Variants in LUC7L observed in about 807,000 individuals in gnomAD.
The protein encoded by LUC7L is putative RNA-binding protein Luc7-like 1.
Under a neutral mutation model 51.1 loss-of-function variants are expected in LUC7L, and 29 were observed. That is an observed-to-expected ratio of 0.57 (90% CI 0.42 to 0.77). The LOEUF (loss-of-function observed/expected upper bound fraction) is 0.77, where lower values mean the gene tolerates loss of function less well. Ranked by LOEUF, LUC7L falls within the 30% of genes least tolerant of loss-of-function variation. The probability of loss-of-function intolerance (pLI) is 0.00; values close to 1 mark genes in which losing one functional copy is unlikely to be tolerated. For synonymous variants in LUC7L, 181 were observed against 180.7 expected (o/e 1.00, Z -0.01); for missense variants, 403 against 511.9 (o/e 0.79, Z 2.05).
intron 5 of LUC7L, among the ~76,000 whole-genome samples, chr16:200,365 A>G (rs946082026): frequency 6.7e-6 from 1 of 149,290 alleles, no homozygotes; most frequent in African/African-American, 2.4e-5. Context: ...CGGAGCTTGT[A>G]GTGAGCCAAG....
At chr16:196,577 G>A (rs554215262) in intron 6 of LUC7L, among the ~76,000 whole-genome samples, 1 of 152,092 alleles carries the variant, frequency 6.6e-6, no homozygotes, top group African/African-American at 2.4e-5. Context: ...GCCCAGGCTA[G>A]AGTGCAGTGG....
intron 4 of LUC7L, among the ~76,000 whole-genome samples, chr16:207,368 TG>T (rs2049513183): frequency 1.3e-5 from 2 of 152,024 alleles, no homozygotes; most frequent in African/African-American, 4.8e-5. Context: ...GATACACATG[TG>T]CACCACCAAG....
intron 6 of LUC7L, among the ~76,000 whole-genome samples, chr16:195,289 G>A (rs553161550): frequency 1.3e-5 from 2 of 151,974 alleles, no homozygotes; most frequent in Non-Finnish European, 2.9e-5. Flanking sequence ...ATATGGTGGT[G>A]CATGCCTGTA....
At chr16:228,222 AGT>A in intron 1 of LUC7L, 1 of 1,295,076 alleles carries the variant, frequency 7.7e-7, no homozygotes, top group Non-Finnish European at 1.0e-6. Context: ...GGATTAATGT[AGT>A]GTCTTTTTAT....
chr16:210,093 G>A (rs2049597656), intron 3 of LUC7L, among the ~76,000 whole-genome samples: 1 of 152,130 alleles, frequency 6.6e-6, no homozygotes, highest in Non-Finnish European at 1.5e-5. Flanking sequence ...TTCGAGACCA[G>A]CTTGACCAAC....
intron 2 of LUC7L, among the ~76,000 whole-genome samples, chr16:221,625 C>T (rs2049971937): frequency 6.6e-6 from 1 of 152,058 alleles, no homozygotes; most frequent in African/African-American, 2.4e-5. Context: ...ATCGCTTGAA[C>T]CCAGGAGGTG....
intron 1 of LUC7L, chr16:228,551 G>A: frequency 8.3e-7 from 1 of 1,201,470 alleles, no homozygotes; most frequent in Non-Finnish European, 1.1e-6. Context: ...GCACAGCCCT[G>A]AGAATGTGCC....
chr16:222,909 C>T (rs1334768210), intron 2 of LUC7L, among the ~76,000 whole-genome samples: 4 of 140,942 alleles, frequency 2.8e-5, no homozygotes, highest in African/African-American at 5.3e-5. Context: ...GGATTACGAG[C>T]GTGAGCCACC....
intron 2 of LUC7L, among the ~76,000 whole-genome samples, chr16:223,311 T>C (rs2050028415): frequency 6.6e-6 from 1 of 151,920 alleles, no homozygotes; most frequent in Non-Finnish European, 1.5e-5. Flanking sequence ...ATCGCACCAC[T>C]GCACTCCAGC....
chr16:197,085 T>C (rs2049170686), intron 6 of LUC7L, among the ~76,000 whole-genome samples: 1 of 151,646 alleles, frequency 6.6e-6, no homozygotes, highest in African/African-American at 2.4e-5. Flanking sequence ...TTTTTGTATT[T>C]TTAGTAGAGA....
At chr16:223,878 G>A (rs1596684637) in intron 2 of LUC7L, among the ~76,000 whole-genome samples, 1 of 151,686 alleles carries the variant, frequency 6.6e-6, no homozygotes, top group Non-Finnish European at 1.5e-5. Context: ...CATCATGTTG[G>A]CCAGGCTGGT....
chr16:225,347 G>A (rs1025900382), intron 2 of LUC7L, among the ~76,000 whole-genome samples: 26 of 151,754 alleles, frequency 1.7e-4, no homozygotes, highest in Admixed American at 1.5e-3. Context: ...TTAGCCGGGC[G>A]AGGTGGTGCA....
At chr16:208,387 G>A in intron 3 of LUC7L, 199 bp from the exon 4 acceptor site, 1 of 490,664 alleles carries the variant, frequency 2.0e-6, no homozygotes, top group Non-Finnish European at 3.5e-6. Context: ...CAGAATGATT[G>A]TTTGGAAGCA....
At chr16:204,976 T>A (rs187541712) in intron 5 of LUC7L, among the ~76,000 whole-genome samples, 82 of 152,234 alleles carry the variant, frequency 5.4e-4, no homozygotes, top group Non-Finnish European at 1.0e-3. Flanking sequence ...AGATGATGAG[T>A]GTCACGTGGT....
intron 5 of LUC7L, among the ~76,000 whole-genome samples, chr16:201,954 G>A (rs936557903): frequency 4.0e-5 from 6 of 151,836 alleles, no homozygotes; most frequent in Non-Finnish European, 8.8e-5. Context: ...AAGTTGGCCA[G>A]GCTGGTCTCG....
intron 5 of LUC7L, among the ~76,000 whole-genome samples, chr16:201,104 G>C (rs2142059145): frequency 6.7e-6 from 1 of 149,412 alleles, no homozygotes; most frequent in South Asian, 2.1e-4. Flanking sequence ...GGGAGTCAGA[G>C]GATGCAGTGA....
chr16:200,197 C>G (rs1485407377), intron 5 of LUC7L, among the ~76,000 whole-genome samples: 2 of 150,822 alleles, frequency 1.3e-5, no homozygotes, highest in East Asian at 4.0e-4. Flanking sequence ...CTGAGGCAGG[C>G]GAATCATGGG....
chr16:225,807 AAAG>A (rs2050116910), intron 2 of LUC7L, among the ~76,000 whole-genome samples: 2 of 143,776 alleles, frequency 1.4e-5, no homozygotes, highest in Non-Finnish European at 3.0e-5. Context: ...TCAAAAAAAA[AAAG>A]AAAAGAAAAG....
At chr16:209,811 T>C (rs372723972) in intron 3 of LUC7L, 47 of 152,276 alleles carry the variant, frequency 3.1e-4, no homozygotes, top group African/African-American at 8.7e-4. Context: ...CTGGAGAAGA[T>C]TGTGATCTTC....
Sources: allele counts gnomAD v4.1 joint callset (sites outside exome capture counted in the v4.1 genomes callset), GRCh38; gene constraint gnomAD v4.1.1; transcripts MANE v1.5; gene names NCBI Gene and HGNC (gene_info 2026-07-23, HGNC 2026-07-21).